PLB1: variants seen among roughly 807,000 people sequenced by gnomAD.
PLB1 encodes the protein phospholipase B1.
Under a neutral mutation model 227.4 loss-of-function variants are expected in PLB1, and 242 were observed. That is an observed-to-expected ratio of 1.06 (90% CI 0.96 to 1.18). The LOEUF (loss-of-function observed/expected upper bound fraction) is 1.18, where lower values mean the gene tolerates loss of function less well. PLB1 is among the 50% of genes most tolerant of loss of function. PLB1 has a pLI of 0.00. For synonymous variants in PLB1, 757 were observed against 682.2 expected (o/e 1.11, Z -1.71); for missense variants, 1,858 against 1,816.3 (o/e 1.02, Z -0.42).
intron 49 of PLB1, among the ~76,000 whole-genome samples, chr2:28,623,495 G>A (rs962313995): frequency 1.3e-5 from 2 of 152,138 alleles, no homozygotes; most frequent in African/African-American, 4.8e-5. Flanking sequence ...GACCAGAAAA[G>A]TCTTTCTTTA....
intron 1 of PLB1, among the ~76,000 whole-genome samples, chr2:28,502,352 C>A (rs188534516): frequency 1.3e-5 from 2 of 152,114 alleles, no homozygotes; most frequent in Non-Finnish European, 2.9e-5. Flanking sequence ...ACATACATAA[C>A]ATATGTATAT....
At chr2:28,505,058 G>A (rs1214095483) in intron 1 of PLB1, among the ~76,000 whole-genome samples, 1 of 152,190 alleles carries the variant, frequency 6.6e-6, no homozygotes, top group Non-Finnish European at 1.5e-5. Flanking sequence ...TAAATTCATG[G>A]TGTGAGGCTC....
chr2:28,591,126 C>G lies in PLB1; in HGVS notation c.2089-7C>G, dbSNP rs1434346482. 3 of 1,614,202 alleles carry G rather than the reference C, an allele frequency of 1.9e-6. No homozygotes were observed. Among genetic ancestry groups the G allele is most frequent in the Non-Finnish European group, 2.5e-6 (3 of 1,180,030 alleles). On this transcript the variant is annotated splice_region_variant and splice_polypyrimidine_tract_variant and intron_variant, in intron 29 of 57. Transcript: ENST00000327757. ...TGCTGCCATTGCTCACCCCCCTCTC[C>G]TCACAGGTCCAGCCGTTTCTGAGGA...
chr2:28,593,920 T>C, intron 33 of PLB1, 166 bp downstream of exon 33: 1 of 747,480 alleles, frequency 1.3e-6, no homozygotes, highest in Admixed American at 1.9e-5. Flanking sequence ...ATTTGGTGAG[T>C]GGAGAGGATA....
At chr2:28,532,336 G>GGATGGATGGATGGATA (rs1189336588) in intron 9 of PLB1, 142 bp downstream of exon 9, 5 of 539,420 alleles carry the variant, frequency 9.3e-6, no homozygotes, top group Non-Finnish European at 1.6e-5. Context: ...ATGGATGGAT[G>GGATGGATGGATGGATA]GATGGATGGA....
intron 42 of PLB1, 74 bp from the exon 43 acceptor site, chr2:28,606,422 G>A (rs1048436246): frequency 6.9e-7 from 1 of 1,447,434 alleles, no homozygotes; most frequent in African/African-American, 1.4e-5. Context: ...CCCACTGCAG[G>A]ATTCTGCCAG....
At chr2:28,634,657 C>T (rs1431313794) in intron 56 of PLB1, among the ~76,000 whole-genome samples, 1 of 152,082 alleles carries the variant, frequency 6.6e-6, no homozygotes, top group African/African-American at 2.4e-5. Context: ...CCTGTAATCC[C>T]AGCACTTTGG....
intron 33 of PLB1, among the ~76,000 whole-genome samples, chr2:28,596,854 C>T (rs577083522): frequency 2.6e-5 from 4 of 152,226 alleles, no homozygotes; most frequent in Non-Finnish European, 5.9e-5. Flanking sequence ...ACCACTCTGG[C>T]ATGCAATAGT....
intron 26 of PLB1, among the ~76,000 whole-genome samples, chr2:28,587,733 A>G (rs1296820870): frequency 2.0e-5 from 3 of 152,190 alleles, no homozygotes; most frequent in Non-Finnish European, 1.5e-5. Context: ...ATGTTTTGCC[A>G]TCCCTGACAC....
chr2:28,556,416 T>TA (rs1558751248), intron 17 of PLB1, among the ~76,000 whole-genome samples: 5 of 152,206 alleles, frequency 3.3e-5, no homozygotes, highest in African/African-American at 1.2e-4. Context: ...AGTGATTTTT[T>TA]ATAATCAGTT....
intron 25 of PLB1, among the ~76,000 whole-genome samples, chr2:28,585,420 C>T (rs2148275988): frequency 6.6e-6 from 1 of 152,252 alleles, no homozygotes; most frequent in East Asian, 1.9e-4. Context: ...GGACCACAGG[C>T]ATGCAGCACC....
chr2:28,605,778 C>A, intron 41 of PLB1, 75 bp from the exon 42 acceptor site: 1 of 1,250,656 alleles, frequency 8.0e-7, no homozygotes, highest in Non-Finnish European at 1.2e-6. Context: ...AGTGGTCAGT[C>A]CCAGGGCCAA....
At chr2:28,503,473 C>T (rs975609994) in intron 1 of PLB1, among the ~76,000 whole-genome samples, 6 of 152,164 alleles carry the variant, frequency 3.9e-5, no homozygotes, top group East Asian at 1.9e-4. Flanking sequence ...TCTATGTCAC[C>T]GTTCTCTATT....
chr2:28,588,193 T>C (rs1681245278), intron 26 of PLB1, among the ~76,000 whole-genome samples: 1 of 152,198 alleles, frequency 6.6e-6, no homozygotes, highest in African/African-American at 2.4e-5. Flanking sequence ...TACACACTAT[T>C]TCTTTCCACT....
intron 41 of PLB1, among the ~76,000 whole-genome samples, chr2:28,605,379 G>C (rs1486853089): frequency 1.3e-5 from 2 of 152,146 alleles, no homozygotes; most frequent in Non-Finnish European, 2.9e-5. Context: ...TGCACCCCCA[G>C]CACCTCCAGA....
chr2:28,601,407 A>G (rs1683863411), intron 37 of PLB1, 75 bp downstream of exon 37: 29 of 1,283,298 alleles, frequency 2.3e-5, no homozygotes, highest in Non-Finnish European at 3.1e-5. Flanking sequence ...TTCCCTGAGA[A>G]CAGTTCCTAA....
At chr2:28,616,776 A>G (rs1006546750) in intron 44 of PLB1, among the ~76,000 whole-genome samples, 4 of 152,234 alleles carry the variant, frequency 2.6e-5, no homozygotes, top group Admixed American at 6.5e-5. Context: ...TCCCTTGGGA[A>G]AAAACCAAAT....
intron 56 of PLB1, 113 bp downstream of exon 56, chr2:28,633,152 A>G: frequency 3.5e-6 from 3 of 850,290 alleles, no homozygotes; most frequent in Non-Finnish European, 5.6e-6. Context: ...CCCAAAGCCC[A>G]AAGTGGCAGC....
Position 28,621,759 on chromosome 2 carries a change from C to T in PLB1, c.3527+781C>T, listed in dbSNP as rs552832563. Reference sequence around the variant, plus strand: ...GTTTGAGTCTCTAAGCCACAGGAAGCGATGTCAGTTCCTCAACGTCACGAG... The same window carrying T: ...GTTTGAGTCTCTAAGCCACAGGAAGTGATGTCAGTTCCTCAACGTCACGAG... On this transcript the variant is annotated intron_variant, in intron 49 of 57. Transcript: ENST00000327757. Among the ~76,000 whole-genome samples, 599 of 152,222 alleles carry T rather than the reference C, an allele frequency of 3.9e-3. 6 individuals are homozygous for T. Among genetic ancestry groups the T allele is most frequent in the Non-Finnish European group, 3.7e-3 (249 of 68,024 alleles).
Sources: gnomAD v4.1 joint callset for allele counts (sites outside exome capture counted in the v4.1 genomes callset) on GRCh38, gnomAD v4.1.1 for gene constraint, MANE v1.5 for transcripts, NCBI Gene and HGNC (gene_info 2026-07-23, HGNC 2026-07-21) for gene names.